Variants in PLA2G4E observed in about 807,000 individuals in gnomAD.
PLA2G4E encodes the protein cytosolic phospholipase A2 epsilon.
PLA2G4E carries 84 observed loss-of-function variants against 109.1 expected under a neutral mutation model. The observed-to-expected ratio is 0.77, with a 90% CI of 0.65 to 0.92. PLA2G4E has a LOEUF of 0.92. PLA2G4E is among the 40% of genes least tolerant of loss of function. The pLI is 0.00. For missense variants in PLA2G4E, 1,057 were observed against 1,076.6 expected (o/e 0.98, Z 0.25); for synonymous variants, 469 against 436.1 (o/e 1.08, Z -0.94).
At chr15:42,016,433 G>A (rs965509108) in intron 1 of PLA2G4E, among the ~76,000 whole-genome samples, 1 of 151,840 alleles carries the variant, frequency 6.6e-6, no homozygotes, top group Admixed American at 6.6e-5. Context: ...TGCCTCCCAG[G>A]TTCAAGCAAT....
intron 13 of PLA2G4E, 86 bp downstream of exon 13, chr15:41,992,651 A>C: frequency 7.6e-7 from 1 of 1,315,748 alleles, no homozygotes; most frequent in Non-Finnish European, 1.1e-6. Context: ...CCCTGTGTGC[A>C]ATGGAAGTCC....
At chr15:42,040,102 C>T (rs919309859) in intron 1 of PLA2G4E, among the ~76,000 whole-genome samples, 5 of 151,936 alleles carry the variant, frequency 3.3e-5, no homozygotes, top group East Asian at 1.9e-4. Flanking sequence ...TTTGGGAGGC[C>T]GAGGTGGAGG....
At chr15:42,028,844 T>C (rs1265373989) in intron 1 of PLA2G4E, among the ~76,000 whole-genome samples, 1 of 152,168 alleles carries the variant, frequency 6.6e-6, no homozygotes, top group Non-Finnish European at 1.5e-5. Flanking sequence ...CTTCTCTGGG[T>C]AAGATGAGAT....
At position 42,001,256 on chromosome 15, in the gene PLA2G4E, G is replaced by A. The variant is rs1595564522; in HGVS notation, c.610-36C>T. On this transcript the variant is annotated intron_variant, in intron 6 of 19. Coordinates refer to ENST00000399518, the Ensembl canonical transcript of PLA2G4E. ...CAAAGGAGGGTCACAGAGTGTCTGA[G>A]CACCAGCCACCTCCTTGCTCTTCCA... The A allele has an allele frequency of 1.9e-6, 3 of 1,562,750 alleles. 1 individual carries two copies. The Admixed American group carries it at 5.0e-5, about 26-fold the overall frequency.
intron 1 of PLA2G4E, among the ~76,000 whole-genome samples, chr15:42,033,473 C>T (rs945035863): frequency 1.3e-5 from 2 of 152,086 alleles, no homozygotes; most frequent in African/African-American, 4.8e-5. Flanking sequence ...CTGGGAGGGG[C>T]CCTGCCCAGC....
chr15:41,990,338 T>G, intron 13 of PLA2G4E, 103 bp from the exon 14 acceptor site: 3 of 1,017,676 alleles, frequency 2.9e-6, no homozygotes, highest in Non-Finnish European at 4.4e-6. Flanking sequence ...ACTTCCTGGC[T>G]CCTGAGCTCA....
intron 13 of PLA2G4E, among the ~76,000 whole-genome samples, chr15:41,990,742 TTC>T (rs2068232470): frequency 8.8e-6 from 1 of 113,212 alleles, no homozygotes. Flanking sequence ...TCCTCTTCCC[TTC>T]TTTTTTTTTT....
exon 19 of PLA2G4E, chr15:41,984,575 G>T (rs753668683): frequency 2.5e-6 from 4 of 1,613,808 alleles, no homozygotes; most frequent in African/African-American, 1.3e-5. Flanking sequence ...ATTTGGGGAA[G>T]GGGATGTTCT....
exon 18 of PLA2G4E, chr15:41,985,885 G>A (rs1281581992): frequency 1.2e-6 from 2 of 1,610,692 alleles, no homozygotes; most frequent in East Asian, 2.2e-5. Context: ...GATGAGGTCG[G>A]CTTTTCGCTC....
At chr15:41,990,745 T>TC (rs1566836166) in intron 13 of PLA2G4E, among the ~76,000 whole-genome samples, 4 of 13,766 alleles carry the variant, frequency 2.9e-4, no homozygotes, top group Non-Finnish European at 7.7e-4. Flanking sequence ...TCTTCCCTTC[T>TC]TTTTTTTTTT....
chr15:42,027,883 C>CCACCTG (rs1555388304), intron 1 of PLA2G4E, among the ~76,000 whole-genome samples: 3 of 67,286 alleles, frequency 4.5e-5, no homozygotes, highest in African/African-American at 1.6e-4. Flanking sequence ...CCCTCCACCT[C>CCACCTG]TCATCTACCT....
exon 16 of PLA2G4E, chr15:41,988,109 G>A (rs1474984028): frequency 6.2e-7 from 1 of 1,607,646 alleles, no homozygotes; most frequent in African/African-American, 1.3e-5. Flanking sequence ...GTGTGTGACA[G>A]GTTCCAGGCA....
chr15:42,002,811 C>A, intron 5 of PLA2G4E, 115 bp from the exon 6 acceptor site: 1 of 1,041,878 alleles, frequency 9.6e-7, no homozygotes, highest in South Asian at 1.4e-5. Context: ...CTTCTTTGTT[C>A]TCATAAAAAA....
chr15:42,022,442 T>C (rs1286855909), intron 1 of PLA2G4E, among the ~76,000 whole-genome samples: 2 of 152,136 alleles, frequency 1.3e-5, no homozygotes, highest in African/African-American at 2.4e-5. Flanking sequence ...CATATTGTCA[T>C]ATATAATGAA....
intron 1 of PLA2G4E, among the ~76,000 whole-genome samples, chr15:42,016,412 ACTGCAACCT>A (rs1449121571): frequency 1.1e-4 from 16 of 151,624 alleles, no homozygotes; most frequent in Non-Finnish European, 1.0e-4. Flanking sequence ...ATCTTGGCTC[ACTGCAACCT>A]CTGCCTCCCA....
chr15:42,025,064 C>T (rs1007187275), intron 1 of PLA2G4E, among the ~76,000 whole-genome samples: 17 of 151,976 alleles, frequency 1.1e-4, no homozygotes, highest in Admixed American at 3.3e-4. Context: ...GGCATGGTCG[C>T]GGGCACCTGT....
At chr15:42,000,689 T>C (rs555697657) in intron 7 of PLA2G4E, among the ~76,000 whole-genome samples, 1 of 151,998 alleles carries the variant, frequency 6.6e-6, no homozygotes, top group African/African-American at 2.4e-5. Flanking sequence ...ATGGGCAACA[T>C]GGGGTGGGGT....
At chr15:42,046,901 T>A (rs751624084) in intron 1 of PLA2G4E, among the ~76,000 whole-genome samples, 3 of 152,086 alleles carry the variant, frequency 2.0e-5, no homozygotes, top group Non-Finnish European at 4.4e-5. Context: ...GATAAGCTGA[T>A]ATTTGCTTTA....
At position 41,990,224 on chromosome 15, in the gene PLA2G4E, G is replaced by A. The variant is rs1411503966; in HGVS notation, c.1482C>T (p.Cys494=). ...AAGCAGCACGCTGATCTGACAGTTT[G>A]CATTCATTTCTCTGTGGGGAAACAA... Residue 494 remains cysteine (C), a synonymous_variant, in exon 14 of 20, where the codon TGC becomes TGT. Transcript: ENST00000399518. The A allele has an allele frequency of 1.9e-6, 3 of 1,613,488 alleles. No individual in the cohort carries two copies. The African/African-American group carries it at 4.0e-5, about 22-fold the overall frequency.
Sources: allele counts gnomAD v4.1 joint callset (sites outside exome capture counted in the v4.1 genomes callset), GRCh38; gene constraint gnomAD v4.1.1; transcripts MANE v1.5; gene names NCBI Gene and HGNC (gene_info 2026-07-23, HGNC 2026-07-21).